PRCP: variants seen among roughly 807,000 people sequenced by gnomAD.
The protein encoded by PRCP is prolylcarboxypeptidase.
A neutral mutation model predicts 54.2 loss-of-function variants in PRCP; 46 were observed. The ratio of observed to expected loss-of-function variants is 0.85; its 90% CI spans 0.67 to 1.09. PRCP has a LOEUF of 1.09. Ranked by LOEUF, PRCP falls within the 50% of genes least tolerant of loss-of-function variation. The pLI, the probability that PRCP is intolerant of heterozygous loss-of-function variation, is 0.00. For synonymous variants in PRCP, 240 were observed against 212.2 expected, an observed-to-expected ratio of 1.13 and a Z score of -1.14; for missense variants, 613 against 596.8, an observed-to-expected ratio of 1.03 and a Z score of -0.28.
chr11:82,870,744 C>T (rs142498393), intron 1 of PRCP, among the ~76,000 whole-genome samples: 262 of 152,196 alleles, frequency 1.7e-3, no homozygotes, highest in African/African-American at 5.8e-3. Context: ...AATAATCTGC[C>T]GCTTAGCAGA....
intron 1 of PRCP, among the ~76,000 whole-genome samples, chr11:82,869,855 G>A (rs1859438023): frequency 1.3e-5 from 2 of 152,334 alleles, no homozygotes; most frequent in Admixed American, 1.3e-4. Context: ...TTTGCCCAGT[G>A]ACAAATCACA....
intron 1 of PRCP, among the ~76,000 whole-genome samples, chr11:82,877,824 C>T (rs559125062): frequency 4.4e-4 from 67 of 152,288 alleles, no homozygotes; most frequent in African/African-American, 1.6e-3. Flanking sequence ...TGGGGCAATG[C>T]CTAGTGGAGC....
chr11:82,833,348 G>C (rs1412478634), intron 8 of PRCP, among the ~76,000 whole-genome samples: 1 of 152,186 alleles, frequency 6.6e-6, no homozygotes, highest in Non-Finnish European at 1.5e-5. Context: ...GAGAAGGTAT[G>C]AATCTTAAGG....
chr11:82,881,601 G>C (rs1859751406), intron 1 of PRCP, among the ~76,000 whole-genome samples: 1 of 152,214 alleles, frequency 6.6e-6, no homozygotes, highest in Admixed American at 6.5e-5. Context: ...TAAAAGAACA[G>C]AGGGACTGAA....
intron 2 of PRCP, chr11:82,858,354 A>T (rs1454571760): frequency 1.3e-5 from 2 of 152,204 alleles, no homozygotes; most frequent in Non-Finnish European, 2.9e-5. Flanking sequence ...TTCACTCTCG[A>T]CCACTGTGTG....
chr11:82,849,287 T>C lies in PRCP; in HGVS notation c.752-69A>G, dbSNP rs1412168292. ...AACAGATGTCTTTACAGATCATTTA[T>C]TCTTCACATAGTATTTTAGAAAACT... is the stretch of plus-strand genomic sequence containing the variant. On this transcript the variant is annotated intron_variant, in intron 5 of 8. Coordinates refer to ENST00000313010, the MANE Select transcript of PRCP (RefSeq NM_005040.4). 5.3e-6 allele frequency: 8 copies of C among 1,511,874 alleles called. No homozygotes were observed. The Admixed American group carries it at 5.8e-5, about 11-fold the overall frequency. The allele number at this position is 1,511,874 out of a possible 1,614,324, so 93.7% of individuals were successfully genotyped here. A position where few individuals can be genotyped will look rare whatever the true frequency, so the allele number is the denominator to read the frequency against.
At chr11:82,881,513 A>G (rs538100857) in intron 1 of PRCP, among the ~76,000 whole-genome samples, 12 of 152,290 alleles carry the variant, frequency 7.9e-5, no homozygotes, top group African/African-American at 2.9e-4. Flanking sequence ...GTGGGGTTTA[A>G]GCAGGGCCCT....
At chr11:82,844,246 C>T (rs1257538081) in intron 6 of PRCP, among the ~76,000 whole-genome samples, 2 of 151,972 alleles carry the variant, frequency 1.3e-5, no homozygotes, top group Admixed American at 6.6e-5. Context: ...AAGAAACTTG[C>T]CCAAAACCAC....
chr11:82,884,308 C>G (rs895316698), intron 1 of PRCP, among the ~76,000 whole-genome samples: 5 of 152,096 alleles, frequency 3.3e-5, no homozygotes, highest in African/African-American at 1.2e-4. Context: ...CCTGTAATCC[C>G]AGAACTTTGG....
chr11:82,891,005 T>C (rs1354146106), intron 1 of PRCP, among the ~76,000 whole-genome samples: 1 of 152,224 alleles, frequency 6.6e-6, no homozygotes, highest in Non-Finnish European at 1.5e-5. Flanking sequence ...TGTTGCTCTC[T>C]TCCAATCTCA....
rs779113626 is a variant in PRCP, at chr11:82,839,397, T to C, written c.950A>G (p.Asn317Ser). The change falls in exon 7 of 9, where the codon AAT becomes AGT. Residue 317 changes from asparagine (N) to serine (S), a missense_variant. Transcript: ENST00000313010. Reference protein sequence around the residue: ...KVVCQYLKNPNVSDSLLLQNI... With the variant: ...KVVCQYLKNPSVSDSLLLQNI... ...CTGCAGCAGCAGTGAATCAGATACA[T>C]TGGGATTTTTCAAATACTGGCACAC... The C allele has an allele frequency of 2.5e-6, 4 of 1,613,146 alleles. No homozygotes were observed. The highest frequency in any genetic ancestry group is 4.5e-5 in the East Asian group (2 of 44,868).
upstream of PRCP, chr11:82,901,492 A>G (rs558387679): frequency 1.3e-4 from 20 of 157,018 alleles, no homozygotes; most frequent in African/African-American, 4.8e-4. Context: ...GGCTCACTCC[A>G]CACTTTCCCG....
At position 82,900,344 on chromosome 11, in the gene PRCP, A is replaced by G; in HGVS notation, c.59T>C (p.Ile20Thr). 1.2e-6 allele frequency: 2 copies of G among 1,614,120 alleles called. No individual in the cohort carries two copies. The highest frequency in any genetic ancestry group is 1.7e-6 in the Non-Finnish European group (2 of 1,179,972). ...LLSFLAPWAT[I>T]ALRPALRALG... ...GGCCCTTAAGGCCGGCCGGAGGGCT[A>G]TGGTGGCCCAGGGCGCCAGAAAAGA... The change falls in exon 1 of 9, where the codon ATA (isoleucine) becomes ACA (threonine). Residue 20 changes from isoleucine to threonine, a missense_variant. Transcript: ENST00000313010.
chr11:82,841,267 G>GA (rs113962936), intron 6 of PRCP, among the ~76,000 whole-genome samples: 1,512 of 142,908 alleles, frequency 0.011, 39 homozygotes, highest in African/African-American at 0.037. Flanking sequence ...TGCCAGCGGG[G>GA]GAAAAAAAAA....
At chr11:82,897,906 C>T (rs1428172144) in intron 1 of PRCP, among the ~76,000 whole-genome samples, 2 of 152,032 alleles carry the variant, frequency 1.3e-5, no homozygotes, top group East Asian at 3.8e-4. Context: ...CAGATATAAC[C>T]ACAGGTAAAT....
chr11:82,854,498 T>A (rs1256613867), intron 2 of PRCP, among the ~76,000 whole-genome samples: 1 of 151,962 alleles, frequency 6.6e-6, no homozygotes, highest in African/African-American at 2.4e-5. Flanking sequence ...CTGAAAGGCA[T>A]CAGAAACAAC....
chr11:82,857,204 T>C (rs1180749943), intron 2 of PRCP, among the ~76,000 whole-genome samples: 5 of 152,166 alleles, frequency 3.3e-5, no homozygotes, highest in African/African-American at 1.2e-4. Context: ...ATCTTCTTTA[T>C]TGGAAAATAA....
intron 1 of PRCP, among the ~76,000 whole-genome samples, chr11:82,867,462 T>C (rs2098502801): frequency 6.6e-6 from 1 of 152,202 alleles, no homozygotes; most frequent in South Asian, 2.1e-4. Flanking sequence ...ATAACATGTT[T>C]TGACAAATAA....
At position 82,839,148 on chromosome 11, in the gene PRCP, C is replaced by A. The variant is rs1017657901; in HGVS notation, c.1086+113G>T. 3.6e-6 allele frequency: 4 copies of A among 1,116,652 alleles called. No homozygotes were observed. In the African/African-American group the frequency reaches 4.7e-5, roughly 13 times the overall value. The allele number at this position is 1,116,652 out of a possible 1,614,324, so 69.2% of individuals were successfully genotyped here. A position where few individuals can be genotyped will look rare whatever the true frequency, so the allele number is the denominator to read the frequency against. ...AGTATCACAGCATAAGGTAACAGAG[C>A]CCAAAACTGGATCCAGGTTAGGTGA... On this transcript the variant is annotated intron_variant, in intron 7 of 8. Coordinates refer to ENST00000313010, the MANE Select transcript of PRCP (RefSeq NM_005040.4).
Sources: gnomAD v4.1 joint callset for allele counts (sites outside exome capture counted in the v4.1 genomes callset) on GRCh38, gnomAD v4.1.1 for gene constraint, MANE v1.5 for transcripts, NCBI Gene and HGNC (gene_info 2026-07-23, HGNC 2026-07-21) for gene names.